The following ANAPC7 variants were observed in gnomAD, a reference collection of about 807,000 sequenced individuals.
The protein encoded by ANAPC7 is anaphase-promoting complex subunit 7.
In ANAPC7, 25 loss-of-function variants were observed where a neutral mutation model predicts 63.3. The observed-to-expected ratio is 0.39, with a 90% confidence interval of 0.29 to 0.55. The LOEUF is 0.55. ANAPC7 is among the 20% of genes least tolerant of loss of function. The probability of loss-of-function intolerance (pLI) is 0.57; values close to 1 mark genes in which losing one functional copy is unlikely to be tolerated. For missense variants in ANAPC7, 516 were observed against 691.7 expected (o/e 0.75, Z 2.85); for synonymous variants, 241 against 251.7 (o/e 0.96, Z 0.40).
At chr12:110,389,031 G>A (rs975719286) in intron 3 of ANAPC7, among the ~76,000 whole-genome samples, 11 of 144,006 alleles carry the variant, frequency 7.6e-5, no homozygotes, top group Admixed American at 2.2e-4. Flanking sequence ...GCAGTGAACC[G>A]ACATCACGCC....
At chr12:110,375,026 C>T (rs981221565) in intron 10 of ANAPC7, among the ~76,000 whole-genome samples, 2 of 152,188 alleles carry the variant, frequency 1.3e-5, no homozygotes, top group African/African-American at 2.4e-5. Flanking sequence ...CGTCCCACGC[C>T]TAGCAAACCC....
intron 9 of ANAPC7, 55 bp downstream of exon 9, chr12:110,377,338 G>A: frequency 1.3e-6 from 2 of 1,495,090 alleles, no homozygotes; most frequent in East Asian, 4.5e-5. Context: ...CTCCAACTGA[G>A]GTCAGGTTTT....
chr12:110,379,762 A>AT (rs1881642603), intron 8 of ANAPC7, among the ~76,000 whole-genome samples: 1 of 152,220 alleles, frequency 6.6e-6, no homozygotes, highest in Non-Finnish European at 1.5e-5. Context: ...TCCTAGGTTT[A>AT]TTTTTAAATG....
In ANAPC7 at chr12:110,377,427, G is replaced by A. The variant is rs751164186; in HGVS notation, c.1323C>T (p.Tyr441=). ...LDKALTQRPD[Y]IKAVVKKAEL... ...CTGCTTTTTTCACCACAGCCTTAAT[G>A]TAATCTGGCCTTTGGGTCAGGGCTT... The change falls in exon 9 of 11, where the codon TAC becomes TAT. Residue 441 remains tyrosine, a synonymous_variant. Transcript: ENST00000455511. The A allele has an allele frequency of 9.3e-6, 15 of 1,614,038 alleles. No homozygotes were observed. In the South Asian group the frequency reaches 1.3e-4, roughly 14 times the overall value.
At chr12:110,385,201 G>A (rs959510197) in intron 6 of ANAPC7, among the ~76,000 whole-genome samples, 1 of 152,202 alleles carries the variant, frequency 6.6e-6, no homozygotes, top group African/African-American at 2.4e-5. Context: ...AGGAGGCGGA[G>A]GTTGCAGTGA....
At position 110,388,495 on chromosome 12, in the gene ANAPC7, G is replaced by A. The variant is rs79846732; in HGVS notation, c.520+17C>T. On this transcript the variant is annotated intron_variant, in intron 4 of 10. Coordinates refer to ENST00000455511, the MANE Select transcript of ANAPC7 (RefSeq NM_016238.3). ...GACAGTAAACATGCCATGAAAACAGGCAGGAAATATCTCTACCTAGAATGG... is the reference window on the plus strand; with the variant it reads ...GACAGTAAACATGCCATGAAAACAGACAGGAAATATCTCTACCTAGAATGG... The A allele has an allele frequency of 4.0e-4, 636 of 1,577,912 alleles. 8 individuals are homozygous for A. The East Asian group carries it at 0.014, about 35-fold the overall frequency.
chr12:110,402,363 T>G (rs1566282376), intron 1 of ANAPC7, among the ~76,000 whole-genome samples: 1 of 150,790 alleles, frequency 6.6e-6, no homozygotes, highest in Non-Finnish European at 1.5e-5. Flanking sequence ...GGAGTCTCGC[T>G]CTGTCGTCCA....
intron 9 of ANAPC7, among the ~76,000 whole-genome samples, chr12:110,376,568 CA>C (rs57434475): frequency 3.4e-4 from 21 of 62,412 alleles, no homozygotes; most frequent in East Asian, 4.3e-4. Context: ...GACTCCATCT[CA>C]AAAAAAAAAA....
rs778877038 is a variant in ANAPC7 at position 110,401,208 on chromosome 12, A to G, written c.101+2319T>C. ...CATCTACAGAGTAAAAGTTTCCATT[A>G]TAACGCCATTTGGAGGTAGCAGACT... On this transcript the variant is annotated intron_variant, in intron 1 of 10. Coordinates refer to ENST00000455511, the MANE Select transcript of ANAPC7 (RefSeq NM_016238.3). Among the ~76,000 whole-genome samples the G allele has an allele frequency of 4.6e-5, 7 of 152,336 alleles. No individual in the cohort carries two copies. The East Asian group carries it at 1.3e-3, about 29-fold the overall frequency.
intron 8 of ANAPC7, chr12:110,378,009 G>T: frequency 3.9e-6 from 1 of 254,454 alleles, no homozygotes; most frequent in Non-Finnish European, 7.4e-6. Flanking sequence ...AGGTTTTGCT[G>T]CCTCTTAACA....
rs552829080 is a variant in ANAPC7 at position 110,395,302 on chromosome 12, A to G, written c.289-82T>C. The G allele has an allele frequency of 1.4e-5, 20 of 1,387,386 alleles. 1 individual carries two copies. The Middle Eastern group carries it at 7.8e-4, about 54-fold the overall frequency. The allele number at this position is 1,387,386 out of a possible 1,614,324, so 85.9% of individuals were successfully genotyped here. Reference sequence around the variant, plus strand: ...TCAAAACGTTAAACATAGAGTTATCATATGACCCAGCAATTCTTTTTTTTT... The same window carrying G: ...TCAAAACGTTAAACATAGAGTTATCGTATGACCCAGCAATTCTTTTTTTTT... On this transcript the variant is annotated intron_variant, in intron 2 of 10. Coordinates refer to ENST00000455511, the MANE Select transcript of ANAPC7 (RefSeq NM_016238.3).
chr12:110,378,036 C>T (rs1592894241), intron 8 of ANAPC7: 1 of 219,940 alleles, frequency 4.5e-6, no homozygotes, highest in East Asian at 9.9e-5. Flanking sequence ...TATTCTCCAG[C>T]TGCATTCGGT....
chr12:110,378,601 A>G (rs1427015021), intron 8 of ANAPC7: 1 of 152,304 alleles, frequency 6.6e-6, no homozygotes, highest in East Asian at 1.9e-4. Context: ...CCACACCCAC[A>G]GCGAGACGCC....
intron 6 of ANAPC7, among the ~76,000 whole-genome samples, chr12:110,386,061 G>A (rs1284256938): frequency 6.6e-6 from 1 of 152,016 alleles, no homozygotes; most frequent in African/African-American, 2.4e-5. Flanking sequence ...TCATAAGGAG[G>A]AGCTATGACC....
chr12:110,387,771 A>G lies in ANAPC7; in HGVS notation c.642T>C (p.Thr214=). The G allele has an allele frequency of 6.2e-7, 1 of 1,614,020 alleles. No homozygotes were observed. The highest frequency in any genetic ancestry group is 8.5e-7 in the Non-Finnish European group (1 of 1,179,922). The change falls in exon 5 of 11, where the codon ACT becomes ACC. Residue 214 remains threonine (T), a synonymous_variant. Coordinates refer to ENST00000455511, the MANE Select transcript of ANAPC7 (RefSeq NM_016238.3). ...VWIKAYAFVH[T]GDNSRAISTI... ...TACTGATTGCTCTTGAGTTGTCACC[A>G]GTGTGCACAAAAGCATACGCTTTGA...
At chr12:110,387,319 C>A (rs199956013) in intron 5 of ANAPC7, 1 of 28,788 alleles carries the variant, frequency 3.5e-5, no homozygotes, top group Admixed American at 4.6e-4. Flanking sequence ...GACAGAGAGA[C>A]AGAGAGAGAG....
intron 8 of ANAPC7, among the ~76,000 whole-genome samples, 159 bp downstream of exon 8, chr12:110,381,593 C>T (rs1434483188): frequency 6.6e-6 from 1 of 152,098 alleles, no homozygotes; most frequent in African/African-American, 2.4e-5. Flanking sequence ...TCTCGGCCTC[C>T]CAAAGTGCTG....
chr12:110,399,922 C>T (rs1238848970), intron 1 of ANAPC7, among the ~76,000 whole-genome samples: 9 of 151,956 alleles, frequency 5.9e-5, no homozygotes, highest in Admixed American at 6.6e-5. Context: ...GTTGAAACCT[C>T]GTCTCTACTA....
intron 7 of ANAPC7, among the ~76,000 whole-genome samples, chr12:110,382,441 TA>T (rs137996217): frequency 0.032 from 1,658 of 52,548 alleles, 42 homozygotes; most frequent in East Asian, 0.16. Context: ...ATTATCCTTT[TA>T]AAAAAAAAAA....
Sources: gnomAD v4.1 joint callset for allele counts (sites outside exome capture counted in the v4.1 genomes callset) on GRCh38, gnomAD v4.1.1 for gene constraint, MANE v1.5 for transcripts, NCBI Gene and HGNC (gene_info 2026-07-23, HGNC 2026-07-21) for gene names.